Variants in MCPH1 observed in about 807,000 individuals in gnomAD.
MCPH1 encodes the protein microcephalin 1.
In MCPH1, 104 loss-of-function variants were observed where a neutral mutation model predicts 84.5. The observed-to-expected ratio is 1.23, with a 90% confidence interval of 1.05 to 1.45. The LOEUF (loss-of-function observed/expected upper bound fraction) is 1.45. MCPH1 is among the 40% of genes most tolerant of loss of function. The probability of loss-of-function intolerance (pLI) is 0.00; values close to 1 mark genes in which losing one functional copy is unlikely to be tolerated. For synonymous variants in MCPH1, 514 were observed against 366.8 expected (o/e 1.40, Z -4.58); for missense variants, 1,498 against 1,005.7 (o/e 1.49, Z -6.62).
At chr8:6,463,357 A>C (rs1298574018) in intron 9 of MCPH1, among the ~76,000 whole-genome samples, 1 of 152,216 alleles carries the variant, frequency 6.6e-6, no homozygotes, top group Non-Finnish European at 1.5e-5. Context: ...GTGAGCTGCG[A>C]TAGGGTACTC....
intron 13 of MCPH1, among the ~76,000 whole-genome samples, chr8:6,632,451 A>G (rs1797232185): frequency 6.6e-6 from 1 of 152,172 alleles, no homozygotes; most frequent in Non-Finnish European, 1.5e-5. Context: ...TATTCACCTC[A>G]TTTTACAAGG....
intron 11 of MCPH1, among the ~76,000 whole-genome samples, chr8:6,488,918 T>G (rs1461679139): frequency 1.3e-5 from 2 of 151,818 alleles, no homozygotes; most frequent in Admixed American, 6.6e-5. Flanking sequence ...AGAGAGCAGG[T>G]CGGCGCCCTT....
At chr8:6,536,799 A>G (rs1344897648) in intron 12 of MCPH1, among the ~76,000 whole-genome samples, 1 of 152,048 alleles carries the variant, frequency 6.6e-6, no homozygotes, top group Non-Finnish European at 1.5e-5. Flanking sequence ...AGACCTTGAA[A>G]TTTCCCTGTC....
chr8:6,579,907 C>A (rs182071740), intron 12 of MCPH1, among the ~76,000 whole-genome samples: 23 of 152,100 alleles, frequency 1.5e-4, no homozygotes, highest in African/African-American at 5.3e-4. Flanking sequence ...ACTGGCCTGG[C>A]GAGGTGTTAC....
At chr8:6,537,392 G>C (rs1820700086) in intron 12 of MCPH1, among the ~76,000 whole-genome samples, 1 of 152,002 alleles carries the variant, frequency 6.6e-6, no homozygotes, top group African/African-American at 2.4e-5. Flanking sequence ...AGTTATGCAA[G>C]TTTAACATTG....
chr8:6,630,787 A>C (rs1563216771), intron 13 of MCPH1, among the ~76,000 whole-genome samples: 1 of 130,782 alleles, frequency 7.6e-6, no homozygotes, highest in East Asian at 2.5e-4. Context: ...GTCCTAAAAA[A>C]AAAAAACAAA....
rs542988065 is a variant in MCPH1 at position 6,561,990 on chromosome 8, C to T, written c.2215-59464C>T. ...ATTCCGCACCGGTTGCTGGAACTGA[C>T]GGGGGCTGCAGTGCTGAATACCTCT... On this transcript the variant is annotated intron_variant, in intron 12 of 13. Coordinates refer to ENST00000344683, the MANE Select transcript of MCPH1 (RefSeq NM_024596.5). 1.3e-4 allele frequency among the ~76,000 whole-genome samples: 20 copies of T among 152,282 alleles called. No individual in the cohort carries two copies. In the South Asian group the frequency reaches 3.7e-3, roughly 28 times the overall value.
chr8:6,543,740 C>T (rs911755564), intron 12 of MCPH1, among the ~76,000 whole-genome samples: 5 of 152,090 alleles, frequency 3.3e-5, no homozygotes, highest in Admixed American at 1.3e-4. Context: ...GATGATCTGT[C>T]CCTTCGACCT....
intron 12 of MCPH1, among the ~76,000 whole-genome samples, chr8:6,576,791 G>A (rs1341259137): frequency 1.5e-5 from 2 of 132,764 alleles, no homozygotes; most frequent in African/African-American, 2.7e-5. Context: ...CAGGTGATCC[G>A]TCCGCAGGTG....
Position 6,463,087 on chromosome 8 carries a change from G to A in MCPH1, c.1935+7835G>A, listed in dbSNP as rs143242646. On this transcript the variant is annotated intron_variant, in intron 9 of 13. Transcript: ENST00000344683. The stretch of plus-strand genomic sequence containing the variant: ...CAAAATAGAGTCTTGGGCAGGGGGT[G>A]AGTATAGGAGTATAGCCTTTTCTAA... Among the ~76,000 whole-genome samples, 772 of 152,336 alleles carry A rather than the reference G, an allele frequency of 5.1e-3. 11 individuals are homozygous for A. Among genetic ancestry groups the A allele is most frequent in the Non-Finnish European group, 5.1e-3 (349 of 68,036 alleles).
chr8:6,487,646 G>A (rs1810089672), intron 11 of MCPH1, among the ~76,000 whole-genome samples: 1 of 152,222 alleles, frequency 6.6e-6, no homozygotes, highest in Non-Finnish European at 1.5e-5. Flanking sequence ...CTGAGTTTCT[G>A]AGGGTGCCCT....
At chr8:6,418,437 A>T (rs530859175) in intron 3 of MCPH1, among the ~76,000 whole-genome samples, 4 of 152,088 alleles carry the variant, frequency 2.6e-5, no homozygotes, top group Non-Finnish European at 5.9e-5. Context: ...TATAGCTTAT[A>T]GTTCACCTAT....
At chr8:6,424,581 C>T (rs1305455356) in intron 3 of MCPH1, among the ~76,000 whole-genome samples, 1 of 152,218 alleles carries the variant, frequency 6.6e-6, no homozygotes, top group East Asian at 1.9e-4. Context: ...GACTTTGACA[C>T]TGTTTAAGGT....
intron 12 of MCPH1, chr8:6,620,297 AT>A: frequency 6.6e-6 from 1 of 152,210 alleles, no homozygotes; most frequent in South Asian, 2.1e-4. Context: ...GATCTACTCC[AT>A]TGATGCTGGA....
chr8:6,485,985 A>G (rs1274643788), intron 11 of MCPH1, among the ~76,000 whole-genome samples: 2 of 152,148 alleles, frequency 1.3e-5, no homozygotes, highest in East Asian at 3.9e-4. Context: ...CTCAGTCTTC[A>G]AGAAGACAAA....
chr8:6,411,061 G>C (rs189820722), intron 2 of MCPH1, among the ~76,000 whole-genome samples: 2 of 152,146 alleles, frequency 1.3e-5, no homozygotes, highest in Admixed American at 6.5e-5. Context: ...CTGCACTCCA[G>C]CCTGGGCGAC....
chr8:6,483,002 A>G (rs1222500835), intron 11 of MCPH1, among the ~76,000 whole-genome samples: 2 of 152,192 alleles, frequency 1.3e-5, no homozygotes, highest in African/African-American at 2.4e-5. Flanking sequence ...TAAACCACAC[A>G]ATTTTCTATG....
intron 12 of MCPH1, among the ~76,000 whole-genome samples, chr8:6,528,574 G>A (rs192254578): frequency 6.6e-6 from 1 of 152,240 alleles, no homozygotes; most frequent in East Asian, 1.9e-4. Context: ...GTGTGAAGCG[G>A]AGCCTCAGCC....
In MCPH1 at chr8:6,419,175, ACACACACACACACGC is replaced by A. The variant is rs751351034; in HGVS notation, c.233+4293_233+4307del. On this transcript the variant is annotated intron_variant, in intron 3 of 13. Coordinates refer to ENST00000344683, the MANE Select transcript of MCPH1 (RefSeq NM_024596.5). ...CAGACACACACACACACACACACAC[ACACACACACACACGC>A]ATTTTTACCCCAAATACTTATTTGA... 9.6e-3 allele frequency among the ~76,000 whole-genome samples: 390 copies of A among 40,540 alleles called. 3 individuals are homozygous for A. Among genetic ancestry groups the A allele is most frequent in the Admixed American group, 0.058 (134 of 2,328 alleles). The allele number at this position is 40,540 out of a possible 152,430, so 26.6% of individuals were successfully genotyped here.
Sources: gnomAD v4.1 joint callset for allele counts (sites outside exome capture counted in the v4.1 genomes callset) on GRCh38, gnomAD v4.1.1 for gene constraint, MANE v1.5 for transcripts, NCBI Gene and HGNC (gene_info 2026-07-23, HGNC 2026-07-21) for gene names.